CAPZB: variants seen among roughly 807,000 people sequenced by gnomAD.
CAPZB encodes the protein capping actin protein of muscle Z-line subunit beta.
A neutral mutation model predicts 38.1 loss-of-function variants in CAPZB; 2 were observed. The observed-to-expected ratio is 0.05, with a 90% confidence interval of 0.02 to 0.17. CAPZB has a LOEUF of 0.17. Among genes scored for constraint, CAPZB ranks in the 10% least tolerant of loss-of-function variants. The pLI is 1.00. For missense variants in CAPZB, 161 were observed against 334.2 expected (o/e 0.48, Z 4.04); for synonymous variants, 107 against 127.4 (o/e 0.84, Z 1.08).
At chr1:19,406,139 T>C (rs2094330811) in intron 2 of CAPZB, among the ~76,000 whole-genome samples, 1 of 152,158 alleles carries the variant, frequency 6.6e-6, no homozygotes, top group South Asian at 2.1e-4. Flanking sequence ...CCGCAAACCG[T>C]CTGATTAGTG....
At chr1:19,480,998 G>A (rs748734974) in intron 1 of CAPZB, among the ~76,000 whole-genome samples, 2 of 152,176 alleles carry the variant, frequency 1.3e-5, no homozygotes, top group Non-Finnish European at 2.9e-5. Context: ...ATCACTATGT[G>A]CCAGATGCTA....
intron 2 of CAPZB, among the ~76,000 whole-genome samples, chr1:19,398,079 G>A (rs144381335): frequency 2.0e-5 from 3 of 152,228 alleles, no homozygotes; most frequent in East Asian, 1.9e-4. Flanking sequence ...GGAGTCACAC[G>A]GCCAGGCAAC....
chr1:19,449,921 G>T (rs550360829), intron 1 of CAPZB, among the ~76,000 whole-genome samples: 24 of 151,888 alleles, frequency 1.6e-4, no homozygotes, highest in African/African-American at 5.3e-4. Flanking sequence ...CAGGAGAATC[G>T]ATTTGAGCCC....
At chr1:19,381,674 T>C (rs1040418172) in intron 3 of CAPZB, among the ~76,000 whole-genome samples, 6 of 144,868 alleles carry the variant, frequency 4.1e-5, no homozygotes, top group African/African-American at 1.3e-4. Context: ...TGTACCACCA[T>C]GCCCAGCTAA....
At position 19,357,668 on chromosome 1, in the gene CAPZB, T is replaced by A; in HGVS notation, c.330-105A>T. The A allele has an allele frequency of 9.0e-7, 1 of 1,110,358 alleles. No individual in the cohort carries two copies. Among genetic ancestry groups the A allele is most frequent in the Non-Finnish European group, 1.3e-6 (1 of 756,696 alleles). The allele number at this position is 1,110,358 out of a possible 1,614,324, so 68.8% of individuals were successfully genotyped here. On this transcript the variant is annotated intron_variant, in intron 4 of 8. Coordinates refer to ENST00000264202, the MANE Select transcript of CAPZB (RefSeq NM_004930.5). This position sits in a 1 kb window ranked among gnomAD's most constrained non-coding sequence, Gnocchi z 4.3. ...AGATTCTGGGATTCAGGGCCCTCCCTGCGACAGTTATGGGAGCCGATCCTT... is the reference window on the plus strand; with the variant it reads ...AGATTCTGGGATTCAGGGCCCTCCCAGCGACAGTTATGGGAGCCGATCCTT...
intron 1 of CAPZB, among the ~76,000 whole-genome samples, chr1:19,436,464 G>C (rs779766770): frequency 7.2e-5 from 11 of 152,166 alleles, no homozygotes; most frequent in Non-Finnish European, 1.6e-4. Flanking sequence ...GCTTCTTTAA[G>C]TGCAATTTCT....
At chr1:19,378,152 C>T (rs1404282003) in intron 4 of CAPZB, among the ~76,000 whole-genome samples, 4 of 152,218 alleles carry the variant, frequency 2.6e-5, no homozygotes. Flanking sequence ...GAGGACTAAA[C>T]TAGCTATGTT....
chr1:19,405,920 C>T (rs113741449), intron 2 of CAPZB, among the ~76,000 whole-genome samples: 2 of 152,176 alleles, frequency 1.3e-5, no homozygotes, highest in East Asian at 1.9e-4. Context: ...CTGCTCACAC[C>T]CCCTCTCCTG....
chr1:19,436,129 T>G (rs1281522747), intron 1 of CAPZB, among the ~76,000 whole-genome samples: 2 of 152,236 alleles, frequency 1.3e-5, no homozygotes, highest in African/African-American at 4.8e-5. Flanking sequence ...TTCAGTTACC[T>G]GTGGTCAACC....
intron 1 of CAPZB, among the ~76,000 whole-genome samples, chr1:19,425,189 C>T (rs955130260): frequency 6.6e-6 from 1 of 152,242 alleles, no homozygotes; most frequent in Admixed American, 6.5e-5. Context: ...TCCTTCAAAA[C>T]TCTGACTGGT....
intron 6 of CAPZB, among the ~76,000 whole-genome samples, chr1:19,354,504 C>T (rs996481181): frequency 2.0e-5 from 3 of 152,172 alleles, no homozygotes; most frequent in African/African-American, 7.2e-5. Context: ...ATGTGGTGAT[C>T]GGCCGTTAGA....
At chr1:19,439,136 C>G (rs538490337) in intron 1 of CAPZB, among the ~76,000 whole-genome samples, 2 of 152,284 alleles carry the variant, frequency 1.3e-5, no homozygotes, top group African/African-American at 4.8e-5. Context: ...AGAAGCCTCC[C>G]GGCTTGGGCT....
At chr1:19,367,373 G>A (rs984375734) in intron 4 of CAPZB, among the ~76,000 whole-genome samples, 1 of 152,234 alleles carries the variant, frequency 6.6e-6, no homozygotes, top group Non-Finnish European at 1.5e-5. Context: ...CTTACTTTCT[G>A]AACAGAGGGG....
At chr1:19,441,618 T>C (rs1196831120) in intron 1 of CAPZB, among the ~76,000 whole-genome samples, 1 of 150,480 alleles carries the variant, frequency 6.6e-6, no homozygotes, top group Non-Finnish European at 1.5e-5. Flanking sequence ...TGAAGAAGCA[T>C]CACATCACAT....
rs754505533 is a variant in CAPZB, at chr1:19,448,906, C to T, written c.4-29156G>A. 3 of 1,612,868 alleles carry T rather than the reference C, an allele frequency of 1.9e-6. No individual in the cohort carries two copies. In the South Asian group the frequency reaches 3.3e-5, roughly 18 times the overall value. On this transcript the variant is annotated intron_variant, in intron 1 of 8. Transcript: ENST00000264202. ...GAGAGAACCCTGTATCCTGGAACTG[C>T]CTGGGCATTGGAGGAGGTGATGGGT...
At chr1:19,387,036 T>C (rs926128277) in intron 2 of CAPZB, among the ~76,000 whole-genome samples, 2 of 152,246 alleles carry the variant, frequency 1.3e-5, no homozygotes, top group Non-Finnish European at 2.9e-5. Context: ...GATAATATCA[T>C]GCACCTTACC....
intron 1 of CAPZB, among the ~76,000 whole-genome samples, chr1:19,448,392 G>T (rs550526386): frequency 7.9e-5 from 12 of 152,300 alleles, no homozygotes; most frequent in Admixed American, 7.8e-4. Context: ...CCAAGTTGAG[G>T]AGTGTTTAGA....
At position 19,339,461 on chromosome 1, in the gene CAPZB, AGAAAAC is replaced by A; in HGVS notation, c.*63_*68del. On this transcript the variant is annotated 3_prime_UTR_variant, in exon 9 of 9. Transcript: ENST00000264202. ...GAGGGAAGGGACGAGGGAAGGGAGC[AGAAAAC>A]GAGTTTTCTAAGAAAGGAATCTAAC... is the stretch of plus-strand genomic sequence containing the variant. 1 of 1,175,952 alleles carries A rather than the reference AGAAAAC, an allele frequency of 8.5e-7. No homozygotes were observed. Among genetic ancestry groups the A allele is most frequent in the East Asian group, 2.3e-5 (1 of 42,910 alleles). 72.8% of individuals were successfully genotyped at this position (1,175,952 alleles called of 1,614,324 possible). A position where few individuals can be genotyped will look rare whatever the true frequency, so the allele number is the denominator to read the frequency against.
intron 8 of CAPZB, among the ~76,000 whole-genome samples, chr1:19,341,916 G>C (rs754062901): frequency 5.3e-5 from 8 of 152,210 alleles, no homozygotes; most frequent in Non-Finnish European, 7.3e-5. Context: ...CCTTCAGTGC[G>C]CAGCCCCTGG....
Sources: allele counts gnomAD v4.1 joint callset (sites outside exome capture counted in the v4.1 genomes callset), GRCh38; gene constraint gnomAD v4.1.1; non-coding constraint Gnocchi (gnomAD v3.1); transcripts MANE v1.5; gene names NCBI Gene and HGNC (gene_info 2026-07-23, HGNC 2026-07-21).